Variants in PTPRD observed in about 807,000 individuals in gnomAD.
PTPRD encodes receptor-type tyrosine-protein phosphatase delta.
In PTPRD, 34 loss-of-function variants were observed where a neutral mutation model predicts 214.5. The observed-to-expected ratio is 0.16, with a 90% confidence interval of 0.12 to 0.21. The LOEUF is 0.21. PTPRD is among the 10% of genes least tolerant of loss of function. The pLI is 1.00. For synonymous variants in PTPRD, 1,128 were observed against 845.7 expected (o/e 1.33, Z -5.79); for missense variants, 2,545 against 2,398.7 (o/e 1.06, Z -1.27).
chr9:9,442,671 A>G (rs1344243622), intron 8 of PTPRD, among the ~76,000 whole-genome samples: 1 of 152,186 alleles, frequency 6.6e-6, no homozygotes, highest in Non-Finnish European at 1.5e-5. Flanking sequence ...AAGATGTTCT[A>G]TTATATTTTC....
intron 3 of PTPRD, among the ~76,000 whole-genome samples, chr9:10,267,086 G>T (rs2094116834): frequency 6.6e-6 from 1 of 151,514 alleles, no homozygotes; most frequent in Admixed American, 6.6e-5. Context: ...AGTTACTCGG[G>T]AGGCTGAGGC....
At chr9:9,361,919 GC>G (rs1451077301) in intron 9 of PTPRD, among the ~76,000 whole-genome samples, 2 of 150,888 alleles carry the variant, frequency 1.3e-5, no homozygotes, top group Admixed American at 6.6e-5. Flanking sequence ...AAACCCCCTA[GC>G]CTCCTGGGGT....
At chr9:8,988,628 A>G (rs1181189355) in intron 11 of PTPRD, among the ~76,000 whole-genome samples, 2 of 152,146 alleles carry the variant, frequency 1.3e-5, no homozygotes, top group Admixed American at 6.6e-5. Flanking sequence ...ATTAATTTAC[A>G]TAGAAATGAT....
At position 10,218,059 on chromosome 9, in the gene PTPRD, C is replaced by G. The variant is rs142690971; in HGVS notation, c.-545+122904G>C. Among the ~76,000 whole-genome samples the G allele has an allele frequency of 1.5e-3, 231 of 151,816 alleles. 2 individuals are homozygous for G. The highest frequency in any genetic ancestry group is 5.4e-3 in the African/African-American group (223 of 41,454). ...AACATAAATTTAGTGATTGAGGTGA[C>G]ACATTTATTAAGTAGATTCTATTCT... On this transcript the variant is annotated intron_variant, in intron 3 of 45. Coordinates refer to ENST00000381196, the MANE Select transcript of PTPRD (RefSeq NM_002839.4).
At position 10,222,678 on chromosome 9, in the gene PTPRD, G is replaced by A. The variant is rs191554006; in HGVS notation, c.-545+118285C>T. On this transcript the variant is annotated intron_variant, in intron 3 of 45. Transcript: ENST00000381196. ...ATGCTCATAGAGGTAAACCATCAGT[G>A]GCTCATCGAGGTAAATACAGACATG... 4.6e-5 allele frequency among the ~76,000 whole-genome samples: 7 copies of A among 152,120 alleles called. No individual in the cohort carries two copies. The East Asian group carries it at 1.4e-3, about 30-fold the overall frequency.
intron 14 of PTPRD, among the ~76,000 whole-genome samples, chr9:8,566,287 C>T (rs776848038): frequency 1.5e-4 from 23 of 151,998 alleles, no homozygotes; most frequent in Non-Finnish European, 2.4e-4. Flanking sequence ...AAGAAAGCCA[C>T]CCAAAGAATT....
intron 2 of PTPRD, among the ~76,000 whole-genome samples, chr9:10,437,635 A>G (rs1234473754): frequency 2.6e-5 from 4 of 151,618 alleles, no homozygotes; most frequent in Non-Finnish European, 1.5e-5. Context: ...GTGTTTCTCT[A>G]CTTTTTAATA....
At chr9:8,893,781 T>C (rs771035546) in intron 11 of PTPRD, among the ~76,000 whole-genome samples, 3 of 152,136 alleles carry the variant, frequency 2.0e-5, no homozygotes, top group Non-Finnish European at 4.4e-5. Context: ...TAAAATGGAC[T>C]AGGGATGCAT....
intron 10 of PTPRD, among the ~76,000 whole-genome samples, chr9:9,166,333 T>C (rs747823463): frequency 1.3e-5 from 2 of 152,086 alleles, no homozygotes; most frequent in Non-Finnish European, 2.9e-5. Context: ...CTCTCTTGTG[T>C]TTATTCCTGG....
In PTPRD at chr9:10,166,975, T is replaced by C. The variant is rs2099162906; in HGVS notation, c.-544-133185A>G. Reference sequence around the variant, plus strand: ...ATTCTACCAACTTTCCTTTAAAACATTTGAACTATTTATGGAATTGATGGT... The same window carrying C: ...ATTCTACCAACTTTCCTTTAAAACACTTGAACTATTTATGGAATTGATGGT... On this transcript the variant is annotated intron_variant, in intron 3 of 45. Transcript: ENST00000381196. Among the ~76,000 whole-genome samples the C allele has an allele frequency of 2.0e-5, 3 of 152,114 alleles. No individual in the cohort carries two copies. In the South Asian group the frequency reaches 6.2e-4, roughly 31 times the overall value.
chr9:10,169,060 T>C (rs1036178599), intron 3 of PTPRD, among the ~76,000 whole-genome samples: 1 of 152,188 alleles, frequency 6.6e-6, no homozygotes, highest in African/African-American at 2.4e-5. Flanking sequence ...AATATACAGA[T>C]ATCTTTCAGA....
chr9:8,624,023 A>G (rs2095915865), intron 14 of PTPRD, among the ~76,000 whole-genome samples: 1 of 152,110 alleles, frequency 6.6e-6, no homozygotes, highest in African/African-American at 2.4e-5. Flanking sequence ...AGAAATCATA[A>G]AACAGTTATA....
intron 3 of PTPRD, among the ~76,000 whole-genome samples, chr9:10,048,338 A>T (rs957912797): frequency 6.6e-6 from 1 of 152,096 alleles, no homozygotes; most frequent in Non-Finnish European, 1.5e-5. Context: ...CCAGTACTTC[A>T]GGTCTGCTTA....
chr9:10,082,659 T>A (rs957872719), intron 3 of PTPRD, among the ~76,000 whole-genome samples: 1 of 151,896 alleles, frequency 6.6e-6, no homozygotes, highest in Non-Finnish European at 1.5e-5. Flanking sequence ...TGATGCCTGA[T>A]CCCTAGTAGT....
chr9:10,449,946 A>G lies in PTPRD; in HGVS notation c.-599-108929T>C, dbSNP rs529610457. 3.1e-3 allele frequency among the ~76,000 whole-genome samples: 465 copies of G among 151,664 alleles called. 12 individuals are homozygous for G. Among genetic ancestry groups the G allele is most frequent in the African/African-American group, 0.011 (443 of 41,026 alleles). Reference sequence around the variant, plus strand: ...CTGTTAATCTATAACCTTACCCCCAACCCCGTGCTCTCTGAAACATGTGCT... The same window carrying G: ...CTGTTAATCTATAACCTTACCCCCAGCCCCGTGCTCTCTGAAACATGTGCT... On this transcript the variant is annotated intron_variant, in intron 2 of 45. Coordinates refer to ENST00000381196, the MANE Select transcript of PTPRD (RefSeq NM_002839.4).
intron 7 of PTPRD, among the ~76,000 whole-genome samples, chr9:9,595,505 C>CACATGTATGCATATGTACACATGTAT (rs2093259311): frequency 2.7e-5 from 4 of 149,150 alleles, no homozygotes; most frequent in Non-Finnish European, 5.9e-5. Context: ...TACACATGTA[C>CACATGTATGCATATGTACACATGTAT]ACATATGCAT....
intron 9 of PTPRD, among the ~76,000 whole-genome samples, chr9:9,255,463 A>G (rs561145092): frequency 1.3e-5 from 2 of 152,194 alleles, no homozygotes; most frequent in South Asian, 4.1e-4. Flanking sequence ...CAATAAACTA[A>G]TAATGCTCTA....
chr9:9,375,429 C>G (rs970514102), intron 9 of PTPRD, among the ~76,000 whole-genome samples: 3 of 152,042 alleles, frequency 2.0e-5, no homozygotes, highest in Non-Finnish European at 4.4e-5. Context: ...AACCCCATCT[C>G]TACTAAAAAT....
chr9:10,082,244 T>C (rs893208769), intron 3 of PTPRD, among the ~76,000 whole-genome samples: 4 of 152,124 alleles, frequency 2.6e-5, no homozygotes, highest in East Asian at 3.9e-4. Flanking sequence ...TAGTGTTTGA[T>C]TGATTAGTTG....
Sources: gnomAD v4.1 joint callset for allele counts (sites outside exome capture counted in the v4.1 genomes callset) on GRCh38, gnomAD v4.1.1 for gene constraint, MANE v1.5 for transcripts, NCBI Gene and HGNC (gene_info 2026-07-23, HGNC 2026-07-21) for gene names.